The following XRCC5 variants were observed in gnomAD, a reference collection of about 807,000 sequenced individuals.
The protein encoded by XRCC5 is DNA repair protein Ku80.
A neutral mutation model predicts 95.7 loss-of-function variants in XRCC5; 12 were observed. That is an observed-to-expected ratio of 0.13 (90% confidence interval 0.08 to 0.20). The LOEUF (loss-of-function observed/expected upper bound fraction) is 0.20, where lower values mean the gene tolerates loss of function less well. Ranked by LOEUF, XRCC5 falls within the 10% of genes least tolerant of loss-of-function variation. The pLI, the probability that XRCC5 is intolerant of heterozygous loss-of-function variation, is 1.00. For synonymous variants in XRCC5, 281 were observed against 290.3 expected (o/e 0.97, Z 0.33); for missense variants, 595 against 873.9 (o/e 0.68, Z 4.02).
intron 14 of XRCC5, among the ~76,000 whole-genome samples, chr2:216,152,251 A>C (rs1688758063): frequency 6.6e-6 from 1 of 152,160 alleles, no homozygotes; most frequent in African/African-American, 2.4e-5. Context: ...AGCCTGGCCA[A>C]CATGGTGAAA....
chr2:216,197,250 G>A (rs1337968929), intron 19 of XRCC5, among the ~76,000 whole-genome samples: 1 of 152,138 alleles, frequency 6.6e-6, no homozygotes, highest in African/African-American at 2.4e-5. Flanking sequence ...GCTATAGAGA[G>A]AAATTTCAGT....
chr2:216,191,077 A>G lies in XRCC5; in HGVS notation c.1944+743A>G, dbSNP rs938552985. ...GGAAAAATCATTAAAATTAGATTCAATAACAGATTCAGAAGTAGATAACCT... is the reference window on the plus strand; with the variant it reads ...GGAAAAATCATTAAAATTAGATTCAGTAACAGATTCAGAAGTAGATAACCT... On this transcript the variant is annotated intron_variant, in intron 17 of 20. Transcript: ENST00000392132. Among the ~76,000 whole-genome samples the G allele has an allele frequency of 3.3e-5, 5 of 152,348 alleles. No individual in the cohort carries two copies. The East Asian group carries it at 5.8e-4, about 18-fold the overall frequency.
At chr2:216,119,007 A>G (rs1429086801) in intron 4 of XRCC5, 36 bp from the exon 5 acceptor site, 1 of 1,602,356 alleles carries the variant, frequency 6.2e-7, no homozygotes, top group Non-Finnish European at 8.5e-7. Flanking sequence ...ATAATTCAGG[A>G]GAATGATTTC....
In XRCC5 at chr2:216,181,603, C is replaced by T. The variant is rs187881945; in HGVS notation, c.1835-8622C>T. On this transcript the variant is annotated intron_variant, in intron 16 of 20. Coordinates refer to ENST00000392132, the MANE Select transcript of XRCC5 (RefSeq NM_021141.4). ...AAAGAGATGCTTGTGATTTGAGAAC[C>T]GGTATATCTTTGGATCCCAATGCCG... Among the ~76,000 whole-genome samples, 124 of 152,276 alleles carry T rather than the reference C, an allele frequency of 8.1e-4. 1 individual carries two copies. The highest frequency in any genetic ancestry group is 2.8e-3 in the African/African-American group (118 of 41,548).
rs1002850159 is a variant in XRCC5 at position 216,190,424 on chromosome 2, G to T, written c.1944+90G>T. The T allele has an allele frequency of 2.7e-5, 32 of 1,164,710 alleles. No homozygotes were observed. In the African/African-American group the frequency reaches 4.3e-4, roughly 16 times the overall value. 72.1% of individuals were successfully genotyped at this position (1,164,710 alleles called of 1,614,324 possible). On this transcript the variant is annotated intron_variant, in intron 17 of 20. Coordinates refer to ENST00000392132, the MANE Select transcript of XRCC5 (RefSeq NM_021141.4). ...TACAGCATCCTGGAAATGAGTCTGG[G>T]CCGTGGAAATTATCATTCTCAATAT... is the stretch of plus-strand genomic sequence containing the variant.
chr2:216,197,911 T>G (rs1574436510), intron 19 of XRCC5, among the ~76,000 whole-genome samples: 2 of 152,170 alleles, frequency 1.3e-5, no homozygotes, highest in African/African-American at 4.8e-5. Flanking sequence ...CCATTCACAT[T>G]GTATGGTGTT....
intron 17 of XRCC5, 62 bp downstream of exon 17, chr2:216,190,396 G>A: frequency 7.1e-7 from 1 of 1,404,202 alleles, no homozygotes. Context: ...AGGGAAAGAG[G>A]CATACAGCAT....
intron 9 of XRCC5, among the ~76,000 whole-genome samples, chr2:216,131,933 AGTCTCGACTTAG>A (rs2106009608): frequency 6.6e-6 from 1 of 152,214 alleles, no homozygotes; most frequent in African/African-American, 2.4e-5. Flanking sequence ...TGTCCTTTTA[AGTCTCGACTTAG>A]GTGTCACCGT....
At chr2:216,111,159 T>C (rs180715740) in intron 1 of XRCC5, among the ~76,000 whole-genome samples, 16 of 152,336 alleles carry the variant, frequency 1.1e-4, no homozygotes, top group Non-Finnish European at 2.2e-4. Flanking sequence ...TCAGTCTCCC[T>C]GTAACTTCCA....
rs1553579193 is a variant in XRCC5, at chr2:216,187,857, T to TCC, written c.1835-2367_1835-2366insCC. The stretch of plus-strand genomic sequence containing the variant: ...CTCTCTCTCTCTCTCTCTCTCTCTC[T>TCC]CTCTCCCCGTCTCCCTGTCTCTCCC... On this transcript the variant is annotated intron_variant, in intron 16 of 20. Transcript: ENST00000392132. 1.4e-3 allele frequency among the ~76,000 whole-genome samples: 160 copies of TCC among 117,234 alleles called. 4 individuals carry two copies. Among genetic ancestry groups the TCC allele is most frequent in the African/African-American group, 5.1e-3 (130 of 25,378 alleles). 76.9% of individuals were successfully genotyped at this position (117,234 alleles called of 152,430 possible). A position where few individuals can be genotyped will look rare whatever the true frequency, so the allele number is the denominator to read the frequency against.
intron 10 of XRCC5, 71 bp from the exon 11 acceptor site, chr2:216,137,017 A>G (rs918471109): frequency 2.6e-6 from 4 of 1,524,686 alleles, no homozygotes; most frequent in African/African-American, 1.4e-5. Flanking sequence ...TAACAGTCTT[A>G]AAGTATTGAG....
Position 216,109,507 on chromosome 2 carries a change from G to A in XRCC5, c.21+50G>A, listed in dbSNP as rs759229003. ...GCTTTACCCGGACTGGGGATCCGGA[G>A]AGGGTGGTTCGGAAGCAGGAATCGT... is the stretch of plus-strand genomic sequence containing the variant. On this transcript the variant is annotated intron_variant, in intron 1 of 20. Transcript: ENST00000392132. The A allele has an allele frequency of 1.6e-5, 25 of 1,611,140 alleles. No homozygotes were observed. The Admixed American group carries it at 3.0e-4, about 19-fold the overall frequency.
At chr2:216,115,301 G>A (rs1224749445) in intron 2 of XRCC5, among the ~76,000 whole-genome samples, 2 of 152,094 alleles carry the variant, frequency 1.3e-5, no homozygotes, top group African/African-American at 4.8e-5. Context: ...GTTTGTTTTT[G>A]TTGTAGAGAG....
At chr2:216,175,062 A>T in intron 16 of XRCC5, 1 of 312,188 alleles carries the variant, frequency 3.2e-6, no homozygotes, top group Non-Finnish European at 6.3e-6. Context: ...TCCCACCACC[A>T]CCATAGTTAC....
At chr2:216,122,669 T>G (rs1696831235) in intron 6 of XRCC5, among the ~76,000 whole-genome samples, 1 of 151,752 alleles carries the variant, frequency 6.6e-6, no homozygotes, top group South Asian at 2.1e-4. Context: ...CTTCTTATCA[T>G]CCTATTAAGG....
chr2:216,157,524 C>T (rs897975150), intron 14 of XRCC5, among the ~76,000 whole-genome samples: 8 of 151,806 alleles, frequency 5.3e-5, no homozygotes, highest in African/African-American at 1.2e-4. Flanking sequence ...TGAGCCACCA[C>T]GCCCGGCCAA....
intron 1 of XRCC5, among the ~76,000 whole-genome samples, chr2:216,111,237 G>A (rs1168266031): frequency 6.6e-6 from 1 of 152,140 alleles, no homozygotes; most frequent in Admixed American, 6.5e-5. Context: ...ATATCTGGGG[G>A]GAGGCCAGAC....
chr2:216,203,599 G>C (rs1689884383), intron 19 of XRCC5, among the ~76,000 whole-genome samples: 1 of 152,124 alleles, frequency 6.6e-6, no homozygotes, highest in Non-Finnish European at 1.5e-5. Flanking sequence ...TCACTTCCTG[G>C]ACTTTGCTGT....
chr2:216,156,275 A>G, intron 14 of XRCC5: 1 of 539,544 alleles, frequency 1.9e-6, no homozygotes, highest in Non-Finnish European at 3.6e-6. Context: ...AATCAGCATG[A>G]CCAAGCAAAG....
Sources: allele counts gnomAD v4.1 joint callset (sites outside exome capture counted in the v4.1 genomes callset), GRCh38; gene constraint gnomAD v4.1.1; transcripts MANE v1.5; gene names NCBI Gene and HGNC (gene_info 2026-07-23, HGNC 2026-07-21).